Variants in CHCHD3 observed in about 807,000 individuals in gnomAD.
The protein encoded by CHCHD3 is MICOS complex subunit MIC19.
Under a neutral mutation model 38.2 loss-of-function variants are expected in CHCHD3, and 20 were observed. The ratio of observed to expected loss-of-function variants is 0.52; its 90% confidence interval spans 0.37 to 0.76. CHCHD3 has a LOEUF of 0.76. Ranked by LOEUF, CHCHD3 falls within the 30% of genes least tolerant of loss-of-function variation. The pLI, the probability that CHCHD3 is intolerant of heterozygous loss-of-function variation, is 0.00. For synonymous variants in CHCHD3, 82 were observed against 100.0 expected, an observed-to-expected ratio of 0.82 and a Z score of 1.07; for missense variants, 245 against 279.2, an observed-to-expected ratio of 0.88 and a Z score of 0.87.
chr7:132,814,230 GGTCATACAT>G lies in CHCHD3; in HGVS notation c.525-17662_525-17654del, dbSNP rs367680956. On this transcript the variant is annotated intron_variant, in intron 6 of 7. Transcript: ENST00000262570. The stretch of plus-strand genomic sequence containing the variant: ...TTTTGTGAGTTTTCTGTATCTTTAA[GGTCATACAT>G]GTTATTTTGTGAAGCCACGCTAGCA... Among the ~76,000 whole-genome samples the G allele has an allele frequency of 3.6e-3, 551 of 152,222 alleles. 2 individuals carry two copies. The highest frequency in any genetic ancestry group is 0.012 in the African/African-American group (506 of 41,534).
chr7:132,912,217 G>T (rs1809970699), intron 4 of CHCHD3, among the ~76,000 whole-genome samples: 1 of 152,084 alleles, frequency 6.6e-6, no homozygotes, highest in African/African-American at 2.4e-5. Flanking sequence ...ATTATGAGAA[G>T]TCTTTATATA....
intron 4 of CHCHD3, among the ~76,000 whole-genome samples, chr7:132,891,260 A>G (rs1809352935): frequency 6.6e-6 from 1 of 152,232 alleles, no homozygotes; most frequent in Non-Finnish European, 1.5e-5. Flanking sequence ...TTTCCAAACC[A>G]TATCAGAGGG....
chr7:133,044,650 CA>C (rs1813925292), intron 2 of CHCHD3, among the ~76,000 whole-genome samples: 1 of 152,168 alleles, frequency 6.6e-6, no homozygotes, highest in Non-Finnish European at 1.5e-5. Flanking sequence ...AAATTCAGGC[CA>C]AAAGCTTTTG....
chr7:133,070,880 G>A (rs984401556), intron 1 of CHCHD3, among the ~76,000 whole-genome samples: 6 of 152,204 alleles, frequency 3.9e-5, no homozygotes, highest in African/African-American at 1.4e-4. Context: ...ATGTAGCCAG[G>A]CTTTGAAGGC....
intron 5 of CHCHD3, among the ~76,000 whole-genome samples, chr7:132,856,999 G>A (rs1410661968): frequency 6.6e-6 from 1 of 152,164 alleles, no homozygotes; most frequent in Non-Finnish European, 1.5e-5. Context: ...CAAGCTTGCT[G>A]CAGTTTTTGG....
intron 3 of CHCHD3, among the ~76,000 whole-genome samples, chr7:132,996,862 T>A (rs1812431636): frequency 6.6e-6 from 1 of 152,238 alleles, no homozygotes. Context: ...ACTGCAAGAT[T>A]AACTATCGTT....
chr7:133,063,036 C>CA, intron 2 of CHCHD3, among the ~76,000 whole-genome samples: 1 of 152,368 alleles, frequency 6.6e-6, no homozygotes, highest in Admixed American at 6.5e-5. Context: ...CTCTCTCCCA[C>CA]TGCAGCACTT....
chr7:133,025,217 A>G (rs1813303212), intron 2 of CHCHD3, among the ~76,000 whole-genome samples: 1 of 152,256 alleles, frequency 6.6e-6, no homozygotes, highest in Non-Finnish European at 1.5e-5. Flanking sequence ...AAGAGTGCTG[A>G]TAACACAGCT....
rs556575046 is a variant in CHCHD3 at position 132,928,539 on chromosome 7, A to G, written c.370-42794T>C. 7.2e-5 allele frequency among the ~76,000 whole-genome samples: 11 copies of G among 152,116 alleles called. No homozygotes were observed. The South Asian group carries it at 2.3e-3, about 32-fold the overall frequency. On this transcript the variant is annotated intron_variant, in intron 4 of 7. Transcript: ENST00000262570. ...TAGTGAAACCCCATCTCTACTAAAT[A>G]TACAAAAATTAGCCAGGCATGGTGG...
At chr7:133,009,722 C>CTTG (rs1322078050) in intron 3 of CHCHD3, among the ~76,000 whole-genome samples, 1 of 152,194 alleles carries the variant, frequency 6.6e-6, no homozygotes, top group Admixed American at 6.5e-5. Context: ...TTCTTGACTT[C>CTTG]TGTCCCAACA....
intron 2 of CHCHD3, among the ~76,000 whole-genome samples, chr7:133,039,187 T>A (rs1033859227): frequency 2.6e-5 from 4 of 152,218 alleles, no homozygotes; most frequent in African/African-American, 9.7e-5. Context: ...CAAAAATATT[T>A]TAAATACCTA....
At chr7:132,983,195 A>G (rs6467453) in intron 3 of CHCHD3, among the ~76,000 whole-genome samples, 108,330 of 151,760 alleles carry the variant, frequency 0.71, 38,820 homozygotes, top group African/African-American at 0.75. Context: ...TGGTGGTAGC[A>G]CCTGTAATCC....
chr7:132,792,286 G>A lies in CHCHD3; in HGVS notation c.660+4156C>T, dbSNP rs948734703. ...TGGAGGGAGCCTGCATTTTCTAATG[G>A]CCTTTATTAGCCGGCAGGGTACATT... On this transcript the variant is annotated intron_variant, in intron 7 of 7. Coordinates refer to ENST00000262570, the MANE Select transcript of CHCHD3 (RefSeq NM_017812.4). Among the ~76,000 whole-genome samples the A allele has an allele frequency of 3.3e-5, 5 of 152,202 alleles. No homozygotes were observed. In the East Asian group the frequency reaches 9.6e-4, roughly 29 times the overall value.
intron 4 of CHCHD3, among the ~76,000 whole-genome samples, chr7:132,915,792 A>C (rs1220974797): frequency 1.3e-5 from 2 of 152,104 alleles, no homozygotes; most frequent in Non-Finnish European, 2.9e-5. Context: ...TCATTCTTTT[A>C]ATCTTTGCTC....
intron 2 of CHCHD3, among the ~76,000 whole-genome samples, chr7:133,037,538 C>A (rs1351647464): frequency 6.6e-6 from 1 of 152,204 alleles, no homozygotes; most frequent in Non-Finnish European, 1.5e-5. Flanking sequence ...TATAGCCCAG[C>A]ACAGTGGCTC....
intron 3 of CHCHD3, among the ~76,000 whole-genome samples, chr7:132,985,941 G>C (rs7802163): frequency 6.6e-6 from 1 of 151,606 alleles, no homozygotes; most frequent in Non-Finnish European, 1.5e-5. Flanking sequence ...TGATGACCAT[G>C]GCGGTTTTGT....
chr7:133,066,982 C>A (rs773012785), intron 2 of CHCHD3, among the ~76,000 whole-genome samples: 2 of 152,192 alleles, frequency 1.3e-5, no homozygotes, highest in African/African-American at 2.4e-5. Context: ...AAGTGGTTAA[C>A]AGCATTTGCT....
chr7:132,809,247 C>T (rs1807007199), intron 6 of CHCHD3, among the ~76,000 whole-genome samples: 1 of 152,052 alleles, frequency 6.6e-6, no homozygotes, highest in Non-Finnish European at 1.5e-5. Flanking sequence ...GCATAAGCCA[C>T]AGCACCGGCT....
intron 5 of CHCHD3, among the ~76,000 whole-genome samples, chr7:132,841,712 GATGCCACAAAGT>G (rs1189410134): frequency 6.6e-6 from 1 of 152,186 alleles, no homozygotes; most frequent in East Asian, 1.9e-4. Flanking sequence ...AAAGGAGCAG[GATGCCACAAAGT>G]ATGGGAACAC....
Sources: gnomAD v4.1 joint callset for allele counts (sites outside exome capture counted in the v4.1 genomes callset) on GRCh38, gnomAD v4.1.1 for gene constraint, MANE v1.5 for transcripts, NCBI Gene and HGNC (gene_info 2026-07-23, HGNC 2026-07-21) for gene names.